The following CBL variants were observed in gnomAD, a reference collection of about 807,000 sequenced individuals.
The protein encoded by CBL is Cbl proto-oncogene.
Under a neutral mutation model 96.9 loss-of-function variants are expected in CBL, and 45 were observed. The ratio of observed to expected loss-of-function variants is 0.46; its 90% confidence interval spans 0.37 to 0.60. The LOEUF (loss-of-function observed/expected upper bound fraction) is 0.60, where lower values mean the gene tolerates loss of function less well. Ranked by LOEUF, CBL falls within the 20% of genes least tolerant of loss-of-function variation. The probability of loss-of-function intolerance (pLI) is 0.00; values close to 1 mark genes in which losing one functional copy is unlikely to be tolerated. For synonymous variants in CBL, 420 were observed against 426.8 expected (o/e 0.98, Z 0.20); for missense variants, 1,024 against 1,143.5 (o/e 0.90, Z 1.51).
Position 119,271,798 on chromosome 11 carries a change from T to C in CBL, c.507T>C (p.Phe169=). The C allele has an allele frequency of 6.2e-7, 1 of 1,614,044 alleles. No individual in the cohort carries two copies. The highest frequency in any genetic ancestry group is 8.5e-7 in the Non-Finnish European group (1 of 1,179,924). ...SHMLAELKGI[F]PSGLFQGDTF... is the part of the protein sequence containing the mutation. ...TGCTGGCAGAACTAAAAGGAATCTTTCCAAGTGGACTCTTTCAGGGAGACA... is the reference window on the plus strand; with the variant it reads ...TGCTGGCAGAACTAAAAGGAATCTTCCCAAGTGGACTCTTTCAGGGAGACA... The change falls in exon 3 of 16, where the codon TTT becomes TTC. Residue 169 remains phenylalanine (F), a synonymous_variant. Transcript: ENST00000264033.
intron 1 of CBL, among the ~76,000 whole-genome samples, chr11:119,218,682 A>G (rs1251879928): frequency 1.3e-5 from 2 of 152,186 alleles, no homozygotes; most frequent in Admixed American, 6.6e-5. Flanking sequence ...TTAGTCACCT[A>G]GTAGTCATCT....
At chr11:119,298,589 G>A in intron 15 of CBL, 49 bp downstream of exon 15, 2 of 1,509,730 alleles carry the variant, frequency 1.3e-6, no homozygotes, top group Non-Finnish European at 1.8e-6. Context: ...AGTGTGGCCT[G>A]TATGTTTATA....
chr11:119,214,649 T>C (rs995525515), intron 1 of CBL, among the ~76,000 whole-genome samples: 2 of 152,252 alleles, frequency 1.3e-5, no homozygotes, highest in African/African-American at 4.8e-5. Flanking sequence ...TCAAATTATG[T>C]GTGCTAGTTA....
chr11:119,252,822 A>G (rs1264468074), intron 2 of CBL, among the ~76,000 whole-genome samples: 1 of 151,598 alleles, frequency 6.6e-6, no homozygotes, highest in Admixed American at 6.6e-5. Context: ...CGGAGGTTGC[A>G]GTCAGCCGAG....
intron 1 of CBL, among the ~76,000 whole-genome samples, chr11:119,224,378 C>A (rs1330463800): frequency 6.6e-6 from 1 of 152,068 alleles, no homozygotes; most frequent in African/African-American, 2.4e-5. Flanking sequence ...ACCTCAGTCC[C>A]TGTCCCCCTC....
Position 119,306,097 on chromosome 11 carries a change from CAA to C in CBL, c.*6319_*6320del. The C allele has an allele frequency of 2.5e-6, 1 of 394,036 alleles. No individual in the cohort carries two copies. The highest frequency in any genetic ancestry group is 1.4e-4 in the South Asian group (1 of 6,972). 24.4% of individuals were successfully genotyped at this position (394,036 alleles called of 1,614,324 possible). On this transcript the variant is annotated 3_prime_UTR_variant, in exon 16 of 16. Coordinates refer to ENST00000264033, the MANE Select transcript of CBL (RefSeq NM_005188.4). ...AGTATTTCTTGGTTCTGGAAAGTAGCAAAAGAGTAGGAGATGGGGAAATAGGG... is the reference window on the plus strand; with the variant it reads ...AGTATTTCTTGGTTCTGGAAAGTAGCAAGAGTAGGAGATGGGGAAATAGGG...
chr11:119,275,036 T>A, intron 5 of CBL, 83 bp downstream of exon 5: 1 of 1,498,076 alleles, frequency 6.7e-7, no homozygotes, highest in Non-Finnish European at 9.3e-7. Flanking sequence ...AACATGACCT[T>A]AATTAGTTTC....
chr11:119,277,776 C>T lies in CBL; in HGVS notation c.1027C>T (p.Arg343Ter), dbSNP rs765471101. The T allele has an allele frequency of 3.1e-6, 5 of 1,613,422 alleles. No homozygotes were observed. Among genetic ancestry groups the T allele is most frequent in the South Asian group, 1.1e-5 (1 of 91,068 alleles). ...TTACAGCTATTTGTTTCCTGATGGA[C>T]GAAATCAGAATCCTGATCTGACTGG... ...REGFYLFPDGRNQNPDLTGLC... is the reference protein window; with the variant it reads ...REGFYLFPDG The change falls in exon 7 of 16, where the codon CGA becomes TGA. Residue 343 changes from arginine to a stop codon, truncating the protein, a stop_gained. Coordinates refer to ENST00000264033, the MANE Select transcript of CBL (RefSeq NM_005188.4). LOFTEE classifies it high-confidence loss of function.
At position 119,299,972 on chromosome 11, in the gene CBL, AT is replaced by A; in HGVS notation, c.*195del. 1 of 667,030 alleles carries A rather than the reference AT, an allele frequency of 1.5e-6. No individual in the cohort carries two copies. The allele number at this position is 667,030 out of a possible 1,614,324, so 41.3% of individuals were successfully genotyped here. A position where few individuals can be genotyped will look rare whatever the true frequency, so the allele number is the denominator to read the frequency against. On this transcript the variant is annotated 3_prime_UTR_variant, in exon 16 of 16. Coordinates refer to ENST00000264033, the MANE Select transcript of CBL (RefSeq NM_005188.4). ...AATGGAGCAGCTAGTATGTTTTATTATTTTATGGGTCTTGAGTGCATTTGAA... is the reference window on the plus strand; with the variant it reads ...AATGGAGCAGCTAGTATGTTTTATTATTTATGGGTCTTGAGTGCATTTGAA...
chr11:119,251,942 T>C (rs1158732291), intron 2 of CBL, among the ~76,000 whole-genome samples: 2 of 152,182 alleles, frequency 1.3e-5, no homozygotes, highest in Non-Finnish European at 2.9e-5. Flanking sequence ...CAAGAACGTC[T>C]TTCCTGCCAG....
At chr11:119,258,509 C>T (rs1949728669) in intron 2 of CBL, among the ~76,000 whole-genome samples, 1 of 152,112 alleles carries the variant, frequency 6.6e-6, no homozygotes, top group Admixed American at 6.5e-5. Flanking sequence ...TAGTGCTAAA[C>T]CATTCATGAG....
Position 119,276,147 on chromosome 11 carries a change from T to C in CBL, c.1007+13T>C, listed in dbSNP as rs754806982. ...TCAGGGAAGGCTTGTGAGTACCTAC[T>C]GCATACCATCTGTTAGAGTCTGGGA... On this transcript the variant is annotated intron_variant, in intron 6 of 15. Coordinates refer to ENST00000264033, the MANE Select transcript of CBL (RefSeq NM_005188.4). The C allele has an allele frequency of 6.2e-7, 1 of 1,613,938 alleles. No homozygotes were observed. The highest frequency in any genetic ancestry group is 2.2e-5 in the East Asian group (1 of 44,876).
intron 1 of CBL, among the ~76,000 whole-genome samples, chr11:119,219,387 A>AG (rs1348558861): frequency 9.9e-4 from 151 of 151,834 alleles, no homozygotes; most frequent in African/African-American, 2.4e-3. Flanking sequence ...AAAAAAAAAA[A>AG]AAAGAAAGAA....
chr11:119,240,339 A>G (rs1166658618), intron 2 of CBL, among the ~76,000 whole-genome samples: 1 of 152,066 alleles, frequency 6.6e-6, no homozygotes, highest in African/African-American at 2.4e-5. Context: ...GAAAAATTGC[A>G]CTAAAGGCAA....
chr11:119,220,945 G>T (rs1222269061), intron 1 of CBL, among the ~76,000 whole-genome samples: 1 of 151,402 alleles, frequency 6.6e-6, no homozygotes, highest in Non-Finnish European at 1.5e-5. Context: ...AAATATGTTT[G>T]TTAAAAAAAA....
intron 2 of CBL, among the ~76,000 whole-genome samples, chr11:119,265,392 C>T (rs1949794059): frequency 6.6e-6 from 1 of 152,154 alleles, no homozygotes; most frequent in Non-Finnish European, 1.5e-5. Context: ...ATAGATAATA[C>T]TAGTTTAGTA....
At chr11:119,234,099 T>G (rs966348485) in intron 2 of CBL, among the ~76,000 whole-genome samples, 3 of 152,122 alleles carry the variant, frequency 2.0e-5, no homozygotes, top group Non-Finnish European at 4.4e-5. Context: ...CTCCGCCTCT[T>G]GGGTTCAAGT....
Position 119,278,520 on chromosome 11 carries a change from G to A in CBL, c.1238G>A (p.Gly413Asp), listed in dbSNP as rs2135304402. The A allele has an allele frequency of 6.2e-7, 1 of 1,614,064 alleles. No homozygotes were observed. ...TTGCTTCTTCTGCAGGAATCAGAAGGTCAGGGCTGTCCTTTCTGCCGATGT... is the reference window on the plus strand; with the variant it reads ...TTGCTTCTTCTGCAGGAATCAGAAGATCAGGGCTGTCCTTTCTGCCGATGT... ...SCLTSWQESE[G>D]QGCPFCRCEI... Residue 413 changes from glycine (G) to aspartate (D), a missense_variant, in exon 9 of 16, where the codon GGT becomes GAT. Around this residue, in one of 4 missense-constraint regions of CBL, gnomAD observed 695 missense variants for 661.6 expected, o/e 1.05. Transcript: ENST00000264033.
intron 1 of CBL, among the ~76,000 whole-genome samples, chr11:119,220,923 C>G (rs186301653): frequency 6.6e-6 from 1 of 150,592 alleles, no homozygotes; most frequent in Non-Finnish European, 1.5e-5. Flanking sequence ...TTCCTGTGAT[C>G]AGTTGACTTT....
Sources: gnomAD v4.1 joint callset for allele counts (sites outside exome capture counted in the v4.1 genomes callset) on GRCh38, gnomAD v4.1.1 for gene constraint, gnomAD v4.1.1 regional missense constraint, MANE v1.5 for transcripts, NCBI Gene and HGNC (gene_info 2026-07-23, HGNC 2026-07-21) for gene names.